BCO1: variants seen among roughly 807,000 people sequenced by gnomAD.
BCO1 encodes beta-carotene oxygenase 1.
Under a neutral mutation model 56.3 loss-of-function variants are expected in BCO1, and 54 were observed. That is an observed-to-expected ratio of 0.96 (90% CI 0.77 to 1.20). The LOEUF is 1.20. BCO1 is among the 50% of genes most tolerant of loss of function. BCO1 has a pLI of 0.00. For synonymous variants in BCO1, 318 were observed against 266.1 expected, an observed-to-expected ratio of 1.20 and a Z score of -1.90; for missense variants, 801 against 690.9, an observed-to-expected ratio of 1.16 and a Z score of -1.79.
intron 6 of BCO1, among the ~76,000 whole-genome samples, chr16:81,268,752 G>A (rs1488822353): frequency 6.6e-6 from 1 of 152,144 alleles, no homozygotes; most frequent in Non-Finnish European, 1.5e-5. Context: ...TGTATTACTA[G>A]TGTTTATTTA....
chr16:81,253,472 T>A (rs978185169), intron 2 of BCO1, among the ~76,000 whole-genome samples: 2 of 152,202 alleles, frequency 1.3e-5, no homozygotes, highest in Non-Finnish European at 2.9e-5. Flanking sequence ...CATATCCATG[T>A]GGAGATTGAG....
intron 2 of BCO1, among the ~76,000 whole-genome samples, chr16:81,254,425 A>T (rs1172613365): frequency 6.8e-6 from 1 of 146,978 alleles, no homozygotes; most frequent in Non-Finnish European, 1.5e-5. Context: ...TGCTGGGATT[A>T]CAGGCATAAG....
intron 2 of BCO1, among the ~76,000 whole-genome samples, chr16:81,251,840 A>C (rs553071126): frequency 5.4e-5 from 8 of 147,594 alleles, no homozygotes; most frequent in African/African-American, 1.0e-4. Flanking sequence ...ATACCCACAC[A>C]CACACACACA....
intron 1 of BCO1, among the ~76,000 whole-genome samples, chr16:81,239,510 G>A (rs1226150806): frequency 6.6e-6 from 1 of 152,168 alleles, no homozygotes; most frequent in Non-Finnish European, 1.5e-5. Flanking sequence ...CAGGAAAAAA[G>A]CATTGGAATG....
intron 7 of BCO1, among the ~76,000 whole-genome samples, chr16:81,273,933 TTGATTTTCTCCCCTATG>T (rs1438408325): frequency 6.6e-6 from 1 of 152,216 alleles, no homozygotes; most frequent in Non-Finnish European, 1.5e-5. Flanking sequence ...GAAAAAGGCA[TTGATTTTCTCCCCTATG>T]TGACTCAGGG....
At chr16:81,251,584 G>C (rs1198705410) in intron 2 of BCO1, among the ~76,000 whole-genome samples, 1 of 151,592 alleles carries the variant, frequency 6.6e-6, no homozygotes, top group South Asian at 2.1e-4. Context: ...AGAAAAACAT[G>C]TAAAAAATAA....
At chr16:81,240,663 C>G (rs1006649278) in intron 1 of BCO1, among the ~76,000 whole-genome samples, 2 of 151,732 alleles carry the variant, frequency 1.3e-5, no homozygotes, top group East Asian at 1.9e-4. Context: ...TGAGATCGTG[C>G]CACTGCACTC....
At chr16:81,261,737 T>A (rs1038767364) in intron 3 of BCO1, among the ~76,000 whole-genome samples, 3 of 152,130 alleles carry the variant, frequency 2.0e-5, no homozygotes, top group African/African-American at 7.2e-5. Flanking sequence ...TTAGTTGAAG[T>A]AAAGCATTTT....
intron 8 of BCO1, among the ~76,000 whole-genome samples, chr16:81,285,052 C>G (rs1325190576): frequency 6.7e-6 from 1 of 150,238 alleles, no homozygotes; most frequent in African/African-American, 2.5e-5. Context: ...GTTGGCCAGG[C>G]TGGTCTCAAA....
In BCO1 at chr16:81,262,220, C is replaced by A. The variant is rs199834539; in HGVS notation, c.408C>A (p.Tyr136Ter). ...TCATGAAGTGCGGAGAAGACTTCTACGCGACCTCAGAGACCAATTACATCA... is the reference window on the plus strand; with the variant it reads ...TCATGAAGTGCGGAGAAGACTTCTAAGCGACCTCAGAGACCAATTACATCA... Reference protein sequence around the residue: ...INIMKCGEDFYATSETNYIRK... With the variant: ...INIMKCGEDF The change falls in exon 4 of 11, where the codon TAC becomes TAA. Residue 136 changes from tyrosine to a stop codon, truncating the protein, a stop_gained. Coordinates refer to ENST00000258168, the MANE Select transcript of BCO1 (RefSeq NM_017429.3). LOFTEE classifies it high-confidence loss of function. 1.7e-4 allele frequency: 270 copies of A among 1,613,774 alleles called. No individual in the cohort carries two copies. Among genetic ancestry groups the A allele is most frequent in the Non-Finnish European group, 2.2e-4 (257 of 1,179,836 alleles).
At chr16:81,254,295 A>AT (rs57961725) in intron 2 of BCO1, among the ~76,000 whole-genome samples, 21,380 of 78,140 alleles carry the variant, frequency 0.27, 4,702 homozygotes, top group Middle Eastern at 0.38. Context: ...CGCCCGGCTA[A>AT]TTTTTTTTTT....
rs754871031 is a variant in BCO1, at chr16:81,290,375, C to T, written c.1442C>T (p.Thr481Ile). 5.6e-6 allele frequency: 9 copies of T among 1,614,166 alleles called. No homozygotes were observed. Residue 481 changes from threonine (T) to isoleucine (I), a missense_variant, in exon 11 of 11, where the codon ACT becomes ATT. Transcript: ENST00000258168. ...DGVILSAIVS[T>I]DPQKLPFLLI... Reference sequence around the variant, plus strand: ...GTAATCTTATCAGCCATTGTCTCTACTGATCCCCAAAAGCTGCCTTTTCTG... The same window carrying T: ...GTAATCTTATCAGCCATTGTCTCTATTGATCCCCAAAAGCTGCCTTTTCTG...
At chr16:81,290,050 G>A in intron 10 of BCO1, among the ~76,000 whole-genome samples, 1 of 152,228 alleles carries the variant, frequency 6.6e-6, no homozygotes, top group African/African-American at 2.4e-5. Context: ...TTTTAGTAGA[G>A]ATGGGGTTTC....
intron 2 of BCO1, among the ~76,000 whole-genome samples, chr16:81,254,477 T>C (rs1333107205): frequency 6.6e-6 from 1 of 150,968 alleles, no homozygotes; most frequent in African/African-American, 2.4e-5. Context: ...AGATAAGGGC[T>C]TCCTACATTG....
At chr16:81,261,410 C>G (rs1290566584) in intron 3 of BCO1, among the ~76,000 whole-genome samples, 1 of 152,104 alleles carries the variant, frequency 6.6e-6, no homozygotes, top group Non-Finnish European at 1.5e-5. Context: ...AACTAATTTC[C>G]TGGATAAATT....
intron 9 of BCO1, 103 bp downstream of exon 9, chr16:81,285,737 A>T (rs538712091): frequency 1.4e-5 from 12 of 871,958 alleles, no homozygotes; most frequent in Non-Finnish European, 2.3e-5. Flanking sequence ...AGAGGAGGTC[A>T]GAAGGAGTAA....
chr16:81,243,412 C>T (rs1037161990), intron 1 of BCO1, among the ~76,000 whole-genome samples: 3 of 152,090 alleles, frequency 2.0e-5, no homozygotes, highest in African/African-American at 4.8e-5. Flanking sequence ...TTGAAAATGA[C>T]GGTCCAGTCT....
At chr16:81,246,411 C>T (rs1024819898) in intron 2 of BCO1, among the ~76,000 whole-genome samples, 6 of 152,206 alleles carry the variant, frequency 3.9e-5, no homozygotes, top group African/African-American at 1.2e-4. Context: ...TTCAGCCAAC[C>T]GCAAGCACAG....
intron 2 of BCO1, among the ~76,000 whole-genome samples, chr16:81,246,981 G>A (rs1424317167): frequency 2.6e-5 from 4 of 152,098 alleles, no homozygotes; most frequent in African/African-American, 9.7e-5. Context: ...AAGGGAAATG[G>A]ATAAATATAG....
Sources: gnomAD v4.1 joint callset for allele counts (sites outside exome capture counted in the v4.1 genomes callset) on GRCh38, gnomAD v4.1.1 for gene constraint, MANE v1.5 for transcripts, NCBI Gene and HGNC (gene_info 2026-07-23, HGNC 2026-07-21) for gene names.